Variants in MYT1L observed in about 807,000 individuals in gnomAD.
The protein encoded by MYT1L is myelin transcription factor 1-like protein.
Under a neutral mutation model 126.7 loss-of-function variants are expected in MYT1L, and 12 were observed. The observed-to-expected ratio is 0.09, with a 90% confidence interval of 0.06 to 0.15. The LOEUF is 0.15. Among genes scored for constraint, MYT1L ranks in the 10% least tolerant of loss-of-function variants. MYT1L has a pLI of 1.00. For missense variants in MYT1L, 979 were observed against 1,585.2 expected (o/e 0.62, Z 6.49); for synonymous variants, 541 against 604.2 (o/e 0.90, Z 1.53).
At chr2:1,792,871 C>CAAAAAAAAAAAAAAA (rs55682787) in intron 23 of MYT1L, among the ~76,000 whole-genome samples, 12 of 76,282 alleles carry the variant, frequency 1.6e-4, no homozygotes, top group African/African-American at 3.9e-4. Context: ...TTCCGTCTCA[C>CAAAAAAAAAAAAAAA]AAAAAAAAAA....
intron 2 of MYT1L, among the ~76,000 whole-genome samples, chr2:2,259,843 C>T (rs17039486): frequency 0.016 from 2,460 of 152,216 alleles, 63 homozygotes; most frequent in African/African-American, 0.056. Context: ...TTAACCTTCC[C>T]GAGCTCCAGT....
chr2:2,216,725 T>C (rs1024876348), intron 2 of MYT1L, among the ~76,000 whole-genome samples: 5 of 152,148 alleles, frequency 3.3e-5, no homozygotes, highest in South Asian at 2.1e-4. Flanking sequence ...CAAAGTCATA[T>C]GTTTGTTCTT....
At chr2:1,997,617 C>T (rs1029105629) in intron 4 of MYT1L, among the ~76,000 whole-genome samples, 4 of 152,238 alleles carry the variant, frequency 2.6e-5, no homozygotes, top group South Asian at 2.1e-4. Flanking sequence ...CTGCCAGCTA[C>T]GTCAGCTCTG....
intron 18 of MYT1L, among the ~76,000 whole-genome samples, chr2:1,874,535 C>G (rs2046655766): frequency 2.0e-5 from 3 of 152,200 alleles, no homozygotes; most frequent in Non-Finnish European, 4.4e-5. Context: ...GGGGGGCAGC[C>G]AGGCGTACCT....
intron 3 of MYT1L, among the ~76,000 whole-genome samples, chr2:2,140,232 G>GT (rs1349096457): frequency 6.6e-6 from 1 of 151,970 alleles, no homozygotes; most frequent in East Asian, 1.9e-4. Context: ...TAAATAAAAT[G>GT]TTTTTTAAAA....
intron 19 of MYT1L, among the ~76,000 whole-genome samples, chr2:1,845,697 C>T (rs2042403531): frequency 6.6e-6 from 1 of 152,228 alleles, no homozygotes; most frequent in South Asian, 2.1e-4. Context: ...AAAGCTAAGC[C>T]TGCACTTGGG....
intron 3 of MYT1L, among the ~76,000 whole-genome samples, chr2:2,171,393 A>AG (rs2090030038): frequency 6.6e-6 from 1 of 152,210 alleles, no homozygotes; most frequent in Non-Finnish European, 1.5e-5. Flanking sequence ...GTGAACATCT[A>AG]ACTCAATGCC....
rs1351371519 is a variant in MYT1L at position 1,943,378 on chromosome 2, AT to A, written c.153-45del. 3.4e-6 allele frequency: 5 copies of A among 1,485,632 alleles called. No homozygotes were observed. Among genetic ancestry groups the A allele is most frequent in the Non-Finnish European group, 3.6e-6 (4 of 1,120,188 alleles). The allele number at this position is 1,485,632 out of a possible 1,614,324, so 92.0% of individuals were successfully genotyped here. On this transcript the variant is annotated intron_variant, in intron 8 of 24. Transcript: ENST00000647738. The surrounding 1 kb of genome is among the most constrained non-coding windows in gnomAD (Gnocchi z 4.4). ...AAGGCAGGGGAGAGAGAGAAAAAAA[AT>A]ATCTGTGTTACTGTCTTTTAAAATC...
intron 3 of MYT1L, among the ~76,000 whole-genome samples, chr2:2,106,301 T>C (rs1559028248): frequency 6.6e-6 from 1 of 152,220 alleles, no homozygotes. Context: ...ATAGCTTTAA[T>C]AAAGAGGGCC....
intron 19 of MYT1L, among the ~76,000 whole-genome samples, chr2:1,845,874 G>A (rs1315068816): frequency 6.6e-6 from 1 of 152,156 alleles, no homozygotes; most frequent in African/African-American, 2.4e-5. Flanking sequence ...GTTATAAGAC[G>A]TTCTGTAATA....
chr2:1,837,904 CTTTTG>C (rs2041126728), intron 21 of MYT1L, among the ~76,000 whole-genome samples: 1 of 133,996 alleles, frequency 7.5e-6, no homozygotes, highest in African/African-American at 2.9e-5. Context: ...TTTTTTTTGT[CTTTTG>C]TTTGTTTGTT....
chr2:2,128,932 G>A (rs1294430961), intron 3 of MYT1L, among the ~76,000 whole-genome samples: 1 of 152,190 alleles, frequency 6.6e-6, no homozygotes, highest in East Asian at 1.9e-4. Flanking sequence ...TGCTTTGTTT[G>A]CAGATGAAAT....
At chr2:1,958,326 C>T (rs1191494878) in intron 8 of MYT1L, among the ~76,000 whole-genome samples, 1 of 149,700 alleles carries the variant, frequency 6.7e-6, no homozygotes, top group Admixed American at 6.7e-5. Context: ...CCCAGAGAAC[C>T]AGAGGAAGAG....
At position 2,228,113 on chromosome 2, in the gene MYT1L, A is replaced by G. The variant is rs1035352; in HGVS notation, c.-420-55125T>C. 0.022 allele frequency among the ~76,000 whole-genome samples: 3,402 copies of G among 152,332 alleles called. 184 individuals carry two copies. Among genetic ancestry groups the G allele is most frequent in the Admixed American group, 0.15 (2,242 of 15,282 alleles). ...TGATGTTCAGACCATGTATATCTCTATGCAAGGATTACAGATAATATAATC... is the reference window on the plus strand; with the variant it reads ...TGATGTTCAGACCATGTATATCTCTGTGCAAGGATTACAGATAATATAATC... On this transcript the variant is annotated intron_variant, in intron 2 of 24. Coordinates refer to ENST00000647738, the MANE Select transcript of MYT1L (RefSeq NM_001303052.2). This position sits in a 1 kb window ranked among gnomAD's most constrained non-coding sequence, Gnocchi z 5.9.
chr2:2,026,470 C>T (rs553246786), intron 4 of MYT1L, among the ~76,000 whole-genome samples: 17 of 152,344 alleles, frequency 1.1e-4, no homozygotes, highest in African/African-American at 2.6e-4. Flanking sequence ...CCAACTGTTC[C>T]GCAGACAGAA....
At position 1,789,932 on chromosome 2, in the gene MYT1L, A is replaced by G. The variant is rs1004432024; in HGVS notation, c.*1935T>C. ...AACTGTAAGCTTTTGTACAGTGAACAGTATAAAGTGCCGCTGGGATATACA... is the reference window on the plus strand; with the variant it reads ...AACTGTAAGCTTTTGTACAGTGAACGGTATAAAGTGCCGCTGGGATATACA... On this transcript the variant is annotated 3_prime_UTR_variant, in exon 25 of 25. Transcript: ENST00000647738. 7 of 152,358 alleles carry G rather than the reference A, an allele frequency of 4.6e-5. No homozygotes were observed. The East Asian group carries it at 1.3e-3, about 29-fold the overall frequency. The allele number at this position is 152,358 out of a possible 1,614,324, so 9.4% of individuals were successfully genotyped here.
At chr2:2,285,439 G>A (rs1010185005) in intron 1 of MYT1L, among the ~76,000 whole-genome samples, 1 of 152,176 alleles carries the variant, frequency 6.6e-6, no homozygotes, top group African/African-American at 2.4e-5. Context: ...GGAAGAAAAG[G>A]ACAATAATTC....
At chr2:1,937,929 A>T (rs1023761877) in intron 9 of MYT1L, among the ~76,000 whole-genome samples, 1 of 152,234 alleles carries the variant, frequency 6.6e-6, no homozygotes, top group Non-Finnish European at 1.5e-5. Flanking sequence ...AAGACTTTAG[A>T]AAAGGAAGAC....
rs74764831 is a variant in MYT1L, at chr2:2,162,508, C to A, written c.-304+10364G>T. Among the ~76,000 whole-genome samples the A allele has an allele frequency of 4.0e-3, 605 of 152,306 alleles. 3 individuals carry two copies. Among genetic ancestry groups the A allele is most frequent in the African/African-American group, 0.014 (573 of 41,562 alleles). ...TGAGGCTCTGCTCATATCCAGGTCA[C>A]CCCTCTTCCTGGGCACACAGGATGC... On this transcript the variant is annotated intron_variant, in intron 3 of 24. Transcript: ENST00000647738.
Sources: allele counts gnomAD v4.1 joint callset (sites outside exome capture counted in the v4.1 genomes callset), GRCh38; gene constraint gnomAD v4.1.1; non-coding constraint Gnocchi (gnomAD v3.1); transcripts MANE v1.5; gene names NCBI Gene and HGNC (gene_info 2026-07-23, HGNC 2026-07-21).